The following ROBO2 variants were observed in gnomAD, a reference collection of about 807,000 sequenced individuals.
The protein encoded by ROBO2 is roundabout homolog 2.
Under a neutral mutation model 160.8 loss-of-function variants are expected in ROBO2, and 53 were observed. That is an observed-to-expected ratio of 0.33 (90% CI 0.26 to 0.41). The LOEUF is 0.41. Among genes scored for constraint, ROBO2 ranks in the 10% least tolerant of loss-of-function variants. The pLI is 1.00. For synonymous variants in ROBO2, 664 were observed against 611.7 expected, an observed-to-expected ratio of 1.09 and a Z score of -1.26; for missense variants, 1,577 against 1,722.4, an observed-to-expected ratio of 0.92 and a Z score of 1.49.
In ROBO2 at chr3:76,581,496, G is replaced by A. The variant is rs2085698213; in HGVS notation, c.110-516518G>A. On this transcript the variant is annotated intron_variant, in intron 2 of 26. Transcript: ENST00000487694. Reference sequence around the variant, plus strand: ...TAAACAAAAATAAAAAAATCAGCTAGGTGTGGTAGCACATGCCTGTGATCC... The same window carrying A: ...TAAACAAAAATAAAAAAATCAGCTAAGTGTGGTAGCACATGCCTGTGATCC... 2.0e-5 allele frequency among the ~76,000 whole-genome samples: 3 copies of A among 152,192 alleles called. 1 individual carries two copies. The highest frequency in any genetic ancestry group is 6.8e-3 in the Middle Eastern group (2 of 294).
intron 2 of ROBO2, among the ~76,000 whole-genome samples, chr3:77,000,529 G>C (rs2061282858): frequency 6.6e-6 from 1 of 152,020 alleles, no homozygotes; most frequent in South Asian, 2.1e-4. Context: ...CAATATTTAT[G>C]TTTACAAACA....
intron 2 of ROBO2, among the ~76,000 whole-genome samples, chr3:76,910,895 TG>T (rs936761562): frequency 5.9e-5 from 9 of 152,034 alleles, no homozygotes; most frequent in African/African-American, 1.7e-4. Context: ...AAAAGAGATT[TG>T]GGGGGATAAG....
chr3:77,423,109 A>G (rs894764052), intron 2 of ROBO2, among the ~76,000 whole-genome samples: 2 of 152,106 alleles, frequency 1.3e-5, no homozygotes, highest in Non-Finnish European at 2.9e-5. Context: ...TCCCCACATT[A>G]CTCATTGGAC....
At chr3:77,228,110 A>G (rs2086708365) in intron 2 of ROBO2, among the ~76,000 whole-genome samples, 1 of 152,200 alleles carries the variant, frequency 6.6e-6, no homozygotes, top group Admixed American at 6.5e-5. Context: ...AACATTCAGC[A>G]GTATTTTTCT....
chr3:77,570,124 A>G (rs1469362783), intron 13 of ROBO2, among the ~76,000 whole-genome samples: 1 of 152,008 alleles, frequency 6.6e-6, no homozygotes, highest in Admixed American at 6.6e-5. Flanking sequence ...ACAGCGTAGT[A>G]GTTTTCCTCA....
chr3:76,481,917 T>G (rs1219302902), intron 2 of ROBO2, among the ~76,000 whole-genome samples: 1 of 152,092 alleles, frequency 6.6e-6, no homozygotes, highest in Non-Finnish European at 1.5e-5. Context: ...AGTTACTTGT[T>G]CTCACCAAAT....
intron 2 of ROBO2, among the ~76,000 whole-genome samples, chr3:77,150,981 A>G (rs2077505449): frequency 6.6e-6 from 1 of 152,190 alleles, no homozygotes; most frequent in Admixed American, 6.5e-5. Context: ...AGCTACAAGT[A>G]TAATTGAGTT....
chr3:76,266,655 C>T (rs1200131272), intron 2 of ROBO2, among the ~76,000 whole-genome samples: 1 of 152,054 alleles, frequency 6.6e-6, no homozygotes, highest in Non-Finnish European at 1.5e-5. Flanking sequence ...CTGAAAGAAA[C>T]GAAGCACAAA....
chr3:77,618,421 T>C (rs2094828995), intron 22 of ROBO2, among the ~76,000 whole-genome samples: 1 of 152,206 alleles, frequency 6.6e-6, no homozygotes, highest in Admixed American at 6.5e-5. Context: ...CTAGGTATCC[T>C]GTGGAATTAA....
intron 2 of ROBO2, among the ~76,000 whole-genome samples, chr3:76,336,230 A>AG (rs1207862141): frequency 5.3e-5 from 3 of 56,684 alleles, no homozygotes; most frequent in Admixed American, 3.6e-4. Flanking sequence ...CGTAGCAAGA[A>AG]GAAAAAAAGG....
intron 2 of ROBO2, among the ~76,000 whole-genome samples, chr3:77,206,980 A>C (rs571272807): frequency 1.3e-5 from 2 of 152,258 alleles, no homozygotes; most frequent in East Asian, 3.9e-4. Flanking sequence ...GCTTTCATTA[A>C]TGGATTGGTG....
intron 2 of ROBO2, among the ~76,000 whole-genome samples, chr3:77,218,521 C>G (rs2085285936): frequency 6.6e-6 from 1 of 151,922 alleles, no homozygotes; most frequent in African/African-American, 2.4e-5. Context: ...TACAGGCACC[C>G]ACAAGCATGC....
intron 13 of ROBO2, among the ~76,000 whole-genome samples, chr3:77,573,311 A>C (rs954694948): frequency 4.6e-5 from 7 of 152,034 alleles, no homozygotes; most frequent in African/African-American, 1.7e-4. Context: ...TAAATATTTT[A>C]AAATAAATGT....
intron 2 of ROBO2, among the ~76,000 whole-genome samples, chr3:77,364,532 A>G (rs1337985291): frequency 1.3e-5 from 2 of 152,190 alleles, no homozygotes; most frequent in Admixed American, 1.3e-4. Context: ...CAGGCATATC[A>G]GAGGTTCTCT....
At chr3:76,160,629 A>G (rs957761692) in intron 2 of ROBO2, among the ~76,000 whole-genome samples, 1 of 152,134 alleles carries the variant, frequency 6.6e-6, no homozygotes, top group Non-Finnish European at 1.5e-5. Context: ...CTTTTTGTAA[A>G]GGATCAGTGG....
intron 1 of ROBO2, among the ~76,000 whole-genome samples, chr3:77,046,114 A>T (rs1433490380): frequency 6.6e-6 from 1 of 152,142 alleles, no homozygotes; most frequent in Non-Finnish European, 1.5e-5. Flanking sequence ...TTAACCTGGG[A>T]TGGAAATGCT....
chr3:76,673,734 G>A (rs1458615455), intron 2 of ROBO2, among the ~76,000 whole-genome samples: 1 of 151,820 alleles, frequency 6.6e-6, no homozygotes, highest in Non-Finnish European at 1.5e-5. Context: ...TTAGCAAGGT[G>A]AAAATGAAAA....
Position 76,808,910 on chromosome 3 carries a change from T to G in ROBO2, c.110-289104T>G, listed in dbSNP as rs142652978. On this transcript the variant is annotated intron_variant, in intron 2 of 26. Transcript: ENST00000487694. ...AAATGATGGTACAGGAAGGCAATTG[T>G]GTATTGGAAATATAGCACTAACCTT... is the stretch of plus-strand genomic sequence containing the variant. Among the ~76,000 whole-genome samples the G allele has an allele frequency of 6.0e-3, 910 of 152,236 alleles. 9 individuals carry two copies. The highest frequency in any genetic ancestry group is 0.02 in the African/African-American group (839 of 41,566).
At chr3:76,930,379 A>G (rs962915018) in intron 2 of ROBO2, among the ~76,000 whole-genome samples, 2 of 152,056 alleles carry the variant, frequency 1.3e-5, no homozygotes, top group Non-Finnish European at 2.9e-5. Context: ...CTTTCCTCAA[A>G]TGTCATGGGT....
Sources: gnomAD v4.1 joint callset for allele counts (sites outside exome capture counted in the v4.1 genomes callset) on GRCh38, gnomAD v4.1.1 for gene constraint, MANE v1.5 for transcripts, NCBI Gene and HGNC (gene_info 2026-07-23, HGNC 2026-07-21) for gene names.